Variants in ZNF516 observed in about 807,000 individuals in gnomAD.
The protein encoded by ZNF516 is zinc finger protein 516.
Under a neutral mutation model 79.7 loss-of-function variants are expected in ZNF516, and 19 were observed. The ratio of observed to expected loss-of-function variants is 0.24; its 90% CI spans 0.17 to 0.35. The LOEUF is 0.35. ZNF516 is among the 10% of genes least tolerant of loss of function. The pLI, the probability that ZNF516 is intolerant of heterozygous loss-of-function variation, is 1.00. For missense variants in ZNF516, 1,678 were observed against 1,679.5 expected, an observed-to-expected ratio of 1.00 and a Z score of 0.02; for synonymous variants, 877 against 739.5, an observed-to-expected ratio of 1.19 and a Z score of -3.02.
At chr18:76,488,297 G>C (rs1914950310) in intron 1 of ZNF516, 1 of 974,418 alleles carries the variant, frequency 1.0e-6, no homozygotes, top group South Asian at 4.7e-5. Context: ...CATTAACAAT[G>C]CTGGAAGTGA....
chr18:76,464,755 G>A (rs931124371), intron 1 of ZNF516, among the ~76,000 whole-genome samples: 9 of 152,044 alleles, frequency 5.9e-5, no homozygotes, highest in Admixed American at 2.0e-4. Flanking sequence ...TGGACTTGCA[G>A]GGCCTCTCTG....
chr18:76,369,990 T>C (rs1292330939), intron 6 of ZNF516, among the ~76,000 whole-genome samples: 1 of 152,158 alleles, frequency 6.6e-6, no homozygotes, highest in Non-Finnish European at 1.5e-5. Flanking sequence ...TACTGAGTCA[T>C]GCATGTACAC....
At chr18:76,436,618 T>C (rs1220897449) in intron 3 of ZNF516, among the ~76,000 whole-genome samples, 1 of 152,110 alleles carries the variant, frequency 6.6e-6, no homozygotes, top group Non-Finnish European at 1.5e-5. Context: ...CTCCTCCTGC[T>C]CTACCTTGAA....
Position 76,493,196 on chromosome 18 carries a change from A to G in ZNF516, c.-272+1948T>C. On this transcript the variant is annotated intron_variant, in intron 1 of 6. Coordinates refer to ENST00000443185, the MANE Select transcript of ZNF516 (RefSeq NM_014643.4). The surrounding 1 kb of genome is among the most constrained non-coding windows in gnomAD (Gnocchi z 5.2). ...CATCTGCGCAGAGTTTGCCTTCTTT[A>G]AGGAGGGAGGCGTCAGACGATATCC... 6 of 983,208 alleles carry G rather than the reference A, an allele frequency of 6.1e-6. No homozygotes were observed. Among genetic ancestry groups the G allele is most frequent in the Non-Finnish European group, 7.2e-6 (6 of 828,090 alleles). 60.9% of individuals were successfully genotyped at this position (983,208 alleles called of 1,614,324 possible).
At chr18:76,400,255 G>A (rs916240939) in intron 3 of ZNF516, among the ~76,000 whole-genome samples, 5 of 152,284 alleles carry the variant, frequency 3.3e-5, no homozygotes, top group Admixed American at 2.6e-4. Flanking sequence ...ATGAACACAG[G>A]AGCAGGCGAG....
At chr18:76,492,273 G>C in intron 1 of ZNF516, 1 of 985,466 alleles carries the variant, frequency 1.0e-6, no homozygotes, top group South Asian at 4.7e-5. Flanking sequence ...CGCTTCCCGA[G>C]GTGCGTACTA....
At chr18:76,410,488 G>T (rs1011923712) in intron 3 of ZNF516, among the ~76,000 whole-genome samples, 5 of 152,160 alleles carry the variant, frequency 3.3e-5, no homozygotes, top group African/African-American at 1.2e-4. Flanking sequence ...AACAGGTCCC[G>T]AAGCTCGCGC....
intron 2 of ZNF516, among the ~76,000 whole-genome samples, chr18:76,455,680 G>A (rs955140974): frequency 2.0e-5 from 3 of 152,294 alleles, no homozygotes; most frequent in South Asian, 2.1e-4. Context: ...ACAAGTACCT[G>A]GTGAAAGAAG....
In ZNF516 at chr18:76,459,184, C is replaced by T. The variant is rs975451759; in HGVS notation, c.-158+3844G>A. On this transcript the variant is annotated intron_variant, in intron 2 of 6. Coordinates refer to ENST00000443185, the MANE Select transcript of ZNF516 (RefSeq NM_014643.4). The surrounding 1 kb of genome is among the most constrained non-coding windows in gnomAD (Gnocchi z 5.0). ...AGACGCTGCAGCAGTAACGGGGCGC[C>T]GGGCCCACCTGCTGCCCCTCTCCTG... Among the ~76,000 whole-genome samples the T allele has an allele frequency of 6.6e-6, 1 of 152,234 alleles. No homozygotes were observed. The highest frequency in any genetic ancestry group is 1.5e-5 in the Non-Finnish European group (1 of 68,042).
chr18:76,464,555 C>A (rs544987661), intron 1 of ZNF516, among the ~76,000 whole-genome samples: 1 of 152,366 alleles, frequency 6.6e-6, no homozygotes, highest in South Asian at 2.1e-4. Context: ...ACAGTGGCTC[C>A]TGGACTTGCA....
At chr18:76,375,249 T>C (rs2074767810) in intron 4 of ZNF516, among the ~76,000 whole-genome samples, 1 of 152,076 alleles carries the variant, frequency 6.6e-6, no homozygotes, top group Admixed American at 6.5e-5. Flanking sequence ...AGAAAGGAAA[T>C]GCGGAAGGTC....
chr18:76,481,850 G>A (rs977280993), intron 1 of ZNF516, among the ~76,000 whole-genome samples: 5 of 152,088 alleles, frequency 3.3e-5, no homozygotes, highest in Non-Finnish European at 7.4e-5. Flanking sequence ...TAATTTAATG[G>A]GAAACAGTAA....
At chr18:76,410,499 A>G (rs529536244) in intron 3 of ZNF516, among the ~76,000 whole-genome samples, 14 of 152,290 alleles carry the variant, frequency 9.2e-5, no homozygotes, top group African/African-American at 3.4e-4. Context: ...AAGCTCGCGC[A>G]GTGGTTCCGC....
intron 3 of ZNF516, among the ~76,000 whole-genome samples, chr18:76,413,624 T>C (rs937027253): frequency 6.6e-6 from 1 of 152,190 alleles, no homozygotes; most frequent in African/African-American, 2.4e-5. Context: ...TCAGCACACC[T>C]TAACGCCCAC....
chr18:76,413,427 A>G (rs949589159), intron 3 of ZNF516, among the ~76,000 whole-genome samples: 2 of 146,634 alleles, frequency 1.4e-5, no homozygotes, highest in Non-Finnish European at 3.0e-5. Context: ...CGTCTGTTCA[A>G]TCAATCAATC....
chr18:76,400,374 G>A (rs2075202462), intron 3 of ZNF516, among the ~76,000 whole-genome samples: 1 of 152,192 alleles, frequency 6.6e-6, no homozygotes, highest in Non-Finnish European at 1.5e-5. Context: ...AAGACGGACT[G>A]AATAATTTGA....
At chr18:76,473,077 A>C (rs1407720773) in intron 1 of ZNF516, among the ~76,000 whole-genome samples, 1 of 152,224 alleles carries the variant, frequency 6.6e-6, no homozygotes, top group Non-Finnish European at 1.5e-5. Context: ...TACAGCTTTA[A>C]GAAAACATTA....
intron 3 of ZNF516, among the ~76,000 whole-genome samples, chr18:76,416,862 C>T (rs921664307): frequency 6.6e-6 from 1 of 152,074 alleles, no homozygotes; most frequent in African/African-American, 2.4e-5. Flanking sequence ...TCCATTGTCC[C>T]TCCTCAAATT....
chr18:76,418,168 AAC>A (rs376421297), intron 3 of ZNF516, among the ~76,000 whole-genome samples: 65 of 152,278 alleles, frequency 4.3e-4, no homozygotes, highest in African/African-American at 1.3e-3. Flanking sequence ...AACACACTGT[AAC>A]ACACGCTGCA....
Sources: allele counts gnomAD v4.1 joint callset (sites outside exome capture counted in the v4.1 genomes callset), GRCh38; gene constraint gnomAD v4.1.1; non-coding constraint Gnocchi (gnomAD v3.1); transcripts MANE v1.5; gene names NCBI Gene and HGNC (gene_info 2026-07-23, HGNC 2026-07-21).